The following TPST1 variants were observed in gnomAD, a reference collection of about 807,000 sequenced individuals.
The protein encoded by TPST1 is protein-tyrosine sulfotransferase 1.
Under a neutral mutation model 34.8 loss-of-function variants are expected in TPST1, and 20 were observed. The observed-to-expected ratio is 0.57, with a 90% CI of 0.40 to 0.84. TPST1 has a LOEUF of 0.84. TPST1 is among the 40% of genes least tolerant of loss of function. The probability of loss-of-function intolerance (pLI) is 0.00; values close to 1 mark genes in which losing one functional copy is unlikely to be tolerated. For missense variants in TPST1, 353 were observed against 455.5 expected (o/e 0.78, Z 2.05); for synonymous variants, 152 against 159.4 (o/e 0.95, Z 0.35).
At chr7:66,318,073 C>T (rs1185434873) in intron 3 of TPST1, among the ~76,000 whole-genome samples, 1 of 152,142 alleles carries the variant, frequency 6.6e-6, no homozygotes, top group Non-Finnish European at 1.5e-5. Context: ...TCAGGAGAAT[C>T]GCTTGAACCT....
At chr7:66,232,537 T>TA (rs747938399) in intron 1 of TPST1, among the ~76,000 whole-genome samples, 3 of 152,146 alleles carry the variant, frequency 2.0e-5, no homozygotes, top group Non-Finnish European at 4.4e-5. Context: ...CATGCCCGGC[T>TA]AATTTTTTTA....
chr7:66,278,315 T>C (rs1790861179), intron 2 of TPST1, among the ~76,000 whole-genome samples: 1 of 151,968 alleles, frequency 6.6e-6, no homozygotes, highest in Admixed American at 6.6e-5. Flanking sequence ...ACTGTAAGAA[T>C]GGAGTTGCTT....
Position 66,299,662 on chromosome 7 carries a change from G to A in TPST1, c.1044+12953G>A, listed in dbSNP as rs376219593. On this transcript the variant is annotated intron_variant, in intron 3 of 5. Coordinates refer to ENST00000304842, the MANE Select transcript of TPST1 (RefSeq NM_003596.4). ...TTGATCCCTTCTTTTTCTGTGTCCAGTCTGCTGTTAAACCCATCTGGTGAC... is the reference window on the plus strand; with the variant it reads ...TTGATCCCTTCTTTTTCTGTGTCCAATCTGCTGTTAAACCCATCTGGTGAC... 4.2e-4 allele frequency among the ~76,000 whole-genome samples: 64 copies of A among 152,112 alleles called. 2 individuals carry two copies. In the South Asian group the frequency reaches 0.013, roughly 31 times the overall value.
At chr7:66,210,071 A>T (rs1290598220) in intron 1 of TPST1, among the ~76,000 whole-genome samples, 1 of 152,180 alleles carries the variant, frequency 6.6e-6, no homozygotes, top group African/African-American at 2.4e-5. Context: ...GGTGGTCATT[A>T]TAGGAATGTA....
intron 1 of TPST1, among the ~76,000 whole-genome samples, chr7:66,208,763 C>T (rs1323549708): frequency 6.6e-6 from 1 of 152,112 alleles, no homozygotes. Flanking sequence ...GCCACTGTGC[C>T]CAGCCCATTT....
chr7:66,270,604 T>C (rs1487078080), intron 2 of TPST1, among the ~76,000 whole-genome samples: 1 of 152,254 alleles, frequency 6.6e-6, no homozygotes, highest in African/African-American at 2.4e-5. Context: ...TCCATTCCTT[T>C]CTTTACCATA....
intron 3 of TPST1, among the ~76,000 whole-genome samples, chr7:66,320,498 C>T (rs1267501268): frequency 2.6e-5 from 4 of 152,070 alleles, no homozygotes; most frequent in East Asian, 1.9e-4. Context: ...CTGCCCGCCT[C>T]GGCCTCCCAA....
rs1387072033 is a variant in TPST1 at position 66,205,619 on chromosome 7, CCTT to C, written c.-102+100_-102+102del. 1.3e-5 allele frequency: 2 copies of C among 152,832 alleles called. No individual in the cohort carries two copies. Among genetic ancestry groups the C allele is most frequent in the Non-Finnish European group, 2.9e-5 (2 of 68,596 alleles). The allele number at this position is 152,832 out of a possible 1,614,324, so 9.5% of individuals were successfully genotyped here. On this transcript the variant is annotated intron_variant, in intron 1 of 5. Coordinates refer to ENST00000304842, the MANE Select transcript of TPST1 (RefSeq NM_003596.4). The surrounding 1 kb of genome is among the most constrained non-coding windows in gnomAD (Gnocchi z 5.0). ...CCTGGCATCCCTTGGCCCCTTGTCGCCTTCTGCTCGGTGCCTCCCGGTTGTCCA... is the reference window on the plus strand; with the variant it reads ...CCTGGCATCCCTTGGCCCCTTGTCGCCTGCTCGGTGCCTCCCGGTTGTCCA...
chr7:66,344,970 C>G (rs533192775), intron 3 of TPST1, among the ~76,000 whole-genome samples: 88 of 137,168 alleles, frequency 6.4e-4, no homozygotes, highest in African/African-American at 2.4e-3. Flanking sequence ...GTGATCCGCC[C>G]GCCTCGGCCT....
At chr7:66,280,008 A>G (rs1790900901) in intron 2 of TPST1, among the ~76,000 whole-genome samples, 1 of 152,240 alleles carries the variant, frequency 6.6e-6, no homozygotes, top group African/African-American at 2.4e-5. Flanking sequence ...TCAAACCAGC[A>G]GGTGCTCTGG....
intron 1 of TPST1, among the ~76,000 whole-genome samples, chr7:66,232,394 A>G (rs1789817000): frequency 6.6e-6 from 1 of 151,326 alleles, no homozygotes; most frequent in African/African-American, 2.4e-5. Context: ...GTTTTTTGAG[A>G]CAGAGTCTCG....
chr7:66,300,933 G>A (rs1025733366), intron 3 of TPST1, among the ~76,000 whole-genome samples: 29 of 151,394 alleles, frequency 1.9e-4, no homozygotes, highest in African/African-American at 5.6e-4. Context: ...GTGACAGAGC[G>A]AGACTCCATC....
At chr7:66,322,953 CCATTCTAATGGATATGAAT>C (rs1432138202) in intron 3 of TPST1, among the ~76,000 whole-genome samples, 1 of 151,682 alleles carries the variant, frequency 6.6e-6, no homozygotes, top group African/African-American at 2.4e-5. Flanking sequence ...TAAATAGTAG[CCATTCTAATGGATATGAAT>C]GGTAACTCAT....
chr7:66,328,886 C>CTCTCTA (rs757168858), intron 3 of TPST1, among the ~76,000 whole-genome samples: 17 of 22,094 alleles, frequency 7.7e-4, no homozygotes, highest in African/African-American at 1.9e-3. Context: ...CTCTCTCTCT[C>CTCTCTA]TATATATATA....
At chr7:66,352,290 G>A (rs963352016) in intron 3 of TPST1, among the ~76,000 whole-genome samples, 26 of 152,198 alleles carry the variant, frequency 1.7e-4, no homozygotes, top group African/African-American at 6.0e-4. Flanking sequence ...ACATTTGTGA[G>A]CACTCGGTAA....
At chr7:66,305,484 A>G (rs1791404473) in intron 3 of TPST1, among the ~76,000 whole-genome samples, 1 of 152,226 alleles carries the variant, frequency 6.6e-6, no homozygotes, top group Non-Finnish European at 1.5e-5. Flanking sequence ...CCTAGGTTCC[A>G]GGCAATTTCT....
At chr7:66,346,704 A>G (rs1031798537) in intron 3 of TPST1, among the ~76,000 whole-genome samples, 1 of 151,494 alleles carries the variant, frequency 6.6e-6, no homozygotes, top group African/African-American at 2.4e-5. Context: ...GACTTGTTTG[A>G]GCTCTTTATT....
intron 2 of TPST1, among the ~76,000 whole-genome samples, chr7:66,271,157 A>G (rs1450142039): frequency 6.6e-6 from 1 of 151,998 alleles, no homozygotes; most frequent in South Asian, 2.1e-4. Flanking sequence ...TTGAGTTCAA[A>G]TTGTTCCTTC....
chr7:66,199,720 T>C, the TPST1 span, among the ~76,000 whole-genome samples: 1 of 149,006 alleles, frequency 6.7e-6, no homozygotes, highest in Non-Finnish European at 1.5e-5. Context: ...TGTGTCCCTT[T>C]TTTTTTTTTC....
Sources: gnomAD v4.1 joint callset for allele counts (sites outside exome capture counted in the v4.1 genomes callset) on GRCh38, gnomAD v4.1.1 for gene constraint, Gnocchi (gnomAD v3.1) non-coding constraint, MANE v1.5 for transcripts, NCBI Gene and HGNC (gene_info 2026-07-23, HGNC 2026-07-21) for gene names.